CACNA1G: variants seen among roughly 807,000 people sequenced by gnomAD.
CACNA1G encodes the protein calcium voltage-gated channel subunit alpha1 G.
A neutral mutation model predicts 219.4 loss-of-function variants in CACNA1G; 67 were observed. The observed-to-expected ratio is 0.31, with a 90% CI of 0.25 to 0.37. The LOEUF (loss-of-function observed/expected upper bound fraction) is 0.37. CACNA1G is among the 10% of genes least tolerant of loss of function. The pLI is 1.00. For missense variants in CACNA1G, 2,380 were observed against 3,231.4 expected, an observed-to-expected ratio of 0.74 and a Z score of 6.39; for synonymous variants, 1,296 against 1,345.3, an observed-to-expected ratio of 0.96 and a Z score of 0.80.
At chr17:50,572,180 G>A (rs914650067) in intron 5 of CACNA1G, 143 bp downstream of exon 5, 1 of 933,144 alleles carries the variant, frequency 1.1e-6, no homozygotes, top group Non-Finnish European at 1.6e-6. Flanking sequence ...GCTACCCATT[G>A]GAACCACCTG....
intron 23 of CACNA1G, 193 bp downstream of exon 23, chr17:50,606,216 A>G: frequency 1.2e-6 from 1 of 813,892 alleles, no homozygotes; most frequent in Non-Finnish European, 2.2e-6. Context: ...AAGTGGGCCC[A>G]TGGGGTCTCT....
At chr17:50,607,215 G>A in intron 24 of CACNA1G, 2 of 573,920 alleles carry the variant, frequency 3.5e-6, no homozygotes, top group Non-Finnish European at 6.5e-6. Context: ...TTAAACTGGT[G>A]AATTTGGGCT....
chr17:50,609,963 C>A (rs373145852), intron 26 of CACNA1G, 28 bp downstream of exon 26: 44 of 1,596,506 alleles, frequency 2.8e-5, no homozygotes, highest in Non-Finnish European at 3.6e-5. Flanking sequence ...TGGGCTCATG[C>A]GTGTGGGGAC....
chr17:50,564,068 G>C (rs549812915), intron 1 of CACNA1G, among the ~76,000 whole-genome samples: 1 of 151,550 alleles, frequency 6.6e-6, no homozygotes, highest in African/African-American at 2.4e-5. Flanking sequence ...CTGCTTCTTG[G>C]CCTCTCCTTT....
intron 5 of CACNA1G, among the ~76,000 whole-genome samples, 161 bp from the exon 6 acceptor site, chr17:50,572,393 G>T (rs2039652860): frequency 6.6e-6 from 1 of 151,936 alleles, no homozygotes; most frequent in Non-Finnish European, 1.5e-5. Flanking sequence ...CATGCTCCTG[G>T]TGCCCACAAA....
Position 50,600,787 on chromosome 17 carries a change from G to C in CACNA1G, c.3752G>C (p.Arg1251Pro). 1 of 1,613,892 alleles carries C rather than the reference G, an allele frequency of 6.2e-7. No homozygotes were observed. The highest frequency in any genetic ancestry group is 2.2e-5 in the East Asian group (1 of 44,866). The change falls in exon 18 of 38, where the codon CGA becomes CCA. Residue 1251 changes from arginine to proline, a missense_variant. Physicochemically the swap from Arg to Pro is moderately radical, Grantham distance 103 (BLOSUM62 -2). Around this residue, in one of 17 missense-constraint regions of CACNA1G, gnomAD observed 418 missense variants for 434.3 expected, o/e 0.96. Transcript: ENST00000359106. The surrounding 1 kb of genome is among the most constrained non-coding windows in gnomAD (Gnocchi z 4.1). ...CGACTCCCTGCCTGCTGCCTCGAGC[G>C]AGACTCCTGGTCAGCCTACATCTTC... Reference protein sequence around the residue: ...RARLPACCLERDSWSAYIFPP... With the variant: ...RARLPACCLEPDSWSAYIFPP...
At chr17:50,604,908 C>T (rs1368514217) in intron 22 of CACNA1G, among the ~76,000 whole-genome samples, 1 of 152,164 alleles carries the variant, frequency 6.6e-6, no homozygotes, top group Non-Finnish European at 1.5e-5. Context: ...GCTGGCTGTT[C>T]AGGCAGCGTG....
chr17:50,572,667 C>T lies in CACNA1G; in HGVS notation c.860C>T (p.Thr287Met), dbSNP rs200872262. 7.8e-5 allele frequency: 126 copies of T among 1,609,488 alleles called. No individual in the cohort carries two copies. The highest frequency in any genetic ancestry group is 2.2e-4 in the East Asian group (10 of 44,696). Residue 287 changes from threonine (T) to methionine (M), a missense_variant, in exon 6 of 38, where the codon ACG (threonine) becomes ATG (methionine). By Grantham distance (81) the Thr-to-Met change is moderately conservative (BLOSUM62 -1). Coordinates refer to ENST00000359106, the MANE Select transcript of CACNA1G (RefSeq NM_018896.5). ...ATGCGGTCCTGCAGAAGCGTGCCCA[C>T]GCTGCGCGGGGACGGGGGCGGTGGC... is the stretch of plus-strand genomic sequence containing the variant. The part of the protein sequence containing the change: ...NGMRSCRSVP[T>M]LRGDGGGGPP...
chr17:50,571,795 C>A lies in CACNA1G; in HGVS notation c.587-83C>A. Reference sequence around the variant, plus strand: ...CTCAGCCTCAGAGTCCCTGGTGGGGCCCCTCCGGGAGTGCTGCCGGGCCGT... The same window carrying A: ...CTCAGCCTCAGAGTCCCTGGTGGGGACCCTCCGGGAGTGCTGCCGGGCCGT... On this transcript the variant is annotated intron_variant, in intron 4 of 37. Transcript: ENST00000359106. The surrounding 1 kb of genome is among the most constrained non-coding windows in gnomAD (Gnocchi z 4.3). 2 of 1,481,428 alleles carry A rather than the reference C, an allele frequency of 1.4e-6. No individual in the cohort carries two copies. The highest frequency in any genetic ancestry group is 1.1e-5 in the South Asian group (1 of 87,198). 91.8% of individuals were successfully genotyped at this position (1,481,428 alleles called of 1,614,324 possible).
chr17:50,590,706 C>T (rs1048451435), intron 10 of CACNA1G, 84 bp downstream of exon 10: 1 of 1,364,210 alleles, frequency 7.3e-7, no homozygotes, highest in Non-Finnish European at 1.0e-6. Context: ...CACCTATTCC[C>T]CTGGGGTGGA....
rs372884559 is a variant in CACNA1G at position 50,604,210 on chromosome 17, C to T, written c.4225C>T (p.Leu1409=). The T allele has an allele frequency of 2.4e-5, 38 of 1,613,874 alleles. No homozygotes were observed. The African/African-American group carries it at 4.7e-4, about 20-fold the overall frequency. Residue 1409 remains leucine (L), a synonymous_variant, in exon 22 of 38, where the codon CTG becomes TTG. Transcript: ENST00000359106. ...KLVVETLMSS[L]KPIGNIVVIC... ...GGTGGTGGAGACGCTGATGTCCTCA[C>T]TGAAACCCATCGGCAACATTGTAGT... is the stretch of plus-strand genomic sequence containing the variant.
At position 50,599,704 on chromosome 17, in the gene CACNA1G, C is replaced by T; in HGVS notation, c.3535C>T (p.Gln1179Ter). The part of the protein sequence containing the change: ...KSSFDLPDTL[Q>*]VPGLHRTASG... ...TTCCTTTGACCTGCCAGACACACTG[C>T]AGGTGCCAGGGCTGCATCGCACTGC... Residue 1179 changes from glutamine (Q) to a stop codon, truncating the protein, a stop_gained, in exon 17 of 38, where the codon CAG (glutamine) becomes TAG (stop). Transcript: ENST00000359106. LOFTEE classifies it high-confidence loss of function. 1 of 1,613,446 alleles carries T rather than the reference C, an allele frequency of 6.2e-7. No individual in the cohort carries two copies. The highest frequency in any genetic ancestry group is 8.5e-7 in the Non-Finnish European group (1 of 1,179,710).
In CACNA1G at chr17:50,603,012, C is replaced by T; in HGVS notation, c.3985-3C>T. 7 of 1,610,822 alleles carry T rather than the reference C, an allele frequency of 4.3e-6. No homozygotes were observed. The highest frequency in any genetic ancestry group is 1.7e-4 in the Middle Eastern group (1 of 6,020). On this transcript the variant is annotated splice_region_variant and splice_polypyrimidine_tract_variant and intron_variant, in intron 20 of 37. Transcript: ENST00000359106. The surrounding 1 kb of genome is among the most constrained non-coding windows in gnomAD (Gnocchi z 6.4). ...CGGCCGATGACGTGGCGGTGGTCCCCAGGTGGTGGCACTGGGCTGGTGCTT... is the reference window on the plus strand; with the variant it reads ...CGGCCGATGACGTGGCGGTGGTCCCTAGGTGGTGGCACTGGGCTGGTGCTT...
In CACNA1G at chr17:50,583,308, C is replaced by T. The variant is rs181802591; in HGVS notation, c.2301+4744C>T. 7.6e-4 allele frequency among the ~76,000 whole-genome samples: 116 copies of T among 152,170 alleles called. No individual in the cohort carries two copies. The East Asian group carries it at 0.016, about 20-fold the overall frequency. The stretch of plus-strand genomic sequence containing the variant: ...CTATCTGGTGTGGGAGGGAGAGGGG[C>T]ATTGTTTTGGAGATGTCTGCTAAGG... On this transcript the variant is annotated intron_variant, in intron 9 of 37. Coordinates refer to ENST00000359106, the MANE Select transcript of CACNA1G (RefSeq NM_018896.5).
rs567821259 is a variant in CACNA1G at position 50,609,775 on chromosome 17, C to T, written c.4706-107C>T. On this transcript the variant is annotated intron_variant, in intron 25 of 37. Transcript: ENST00000359106. The stretch of plus-strand genomic sequence containing the variant: ...GCCACCCAATGGGCTCAGCGCACCC[C>T]ACCCATAGGCAGAGTGAGGTGGGAG... 2.5e-5 allele frequency: 23 copies of T among 930,164 alleles called. No individual in the cohort carries two copies. In the African/African-American group the frequency reaches 2.8e-4, roughly 11 times the overall value. The allele number at this position is 930,164 out of a possible 1,614,324, so 57.6% of individuals were successfully genotyped here. A position where few individuals can be genotyped will look rare whatever the true frequency, so the allele number is the denominator to read the frequency against.
Position 50,578,423 on chromosome 17 carries a change from A to G in CACNA1G, c.2160A>G (p.Ala720=). The stretch of plus-strand genomic sequence containing the variant: ...GGCAACGGAGCCTGGGCCCAGATGC[A>G]GAGCCCAGCTCTGTGCTGGCCTTCT... The part of the protein sequence containing the change: ...SRRQRSLGPD[A]EPSSVLAFWR... The change falls in exon 9 of 38, where the codon GCA becomes GCG. Residue 720 remains alanine (A), a synonymous_variant. Transcript: ENST00000359106. The surrounding 1 kb of genome is among the most constrained non-coding windows in gnomAD (Gnocchi z 4.5). 1 of 1,613,308 alleles carries G rather than the reference A, an allele frequency of 6.2e-7. No homozygotes were observed. Among genetic ancestry groups the G allele is most frequent in the Non-Finnish European group, 8.5e-7 (1 of 1,179,728 alleles).
chr17:50,561,960 C>T (rs1597910205), intron 1 of CACNA1G: 1 of 417,006 alleles, frequency 2.4e-6, no homozygotes, highest in East Asian at 6.4e-5. Flanking sequence ...GGTGGGGATC[C>T]AGGCCAGGAG....
In CACNA1G at chr17:50,591,975, T is replaced by C; in HGVS notation, c.2793T>C (p.Asn931=). ...AGGACTGGAACAAAGTCCTCTACAA[T>C]GGTATGGCCTCCACGTCGTCCTGGG... ...TQEDWNKVLY[N]GMASTSSWAA... Residue 931 remains asparagine (N), a synonymous_variant, in exon 13 of 38, where the codon AAT becomes AAC. Coordinates refer to ENST00000359106, the MANE Select transcript of CACNA1G (RefSeq NM_018896.5). The C allele has an allele frequency of 6.2e-7, 1 of 1,613,972 alleles. No individual in the cohort carries two copies. The highest frequency in any genetic ancestry group is 8.5e-7 in the Non-Finnish European group (1 of 1,179,870).
At chr17:50,573,714 C>T (rs1319515344) in intron 7 of CACNA1G, 1 of 152,280 alleles carries the variant, frequency 6.6e-6, no homozygotes, top group Non-Finnish European at 1.5e-5. Context: ...GCTGCCTGAT[C>T]TCTTATTCCT....
Sources: gnomAD v4.1 joint callset for allele counts (sites outside exome capture counted in the v4.1 genomes callset) on GRCh38, gnomAD v4.1.1 for gene constraint, gnomAD v4.1.1 regional missense constraint, Gnocchi (gnomAD v3.1) non-coding constraint, MANE v1.5 for transcripts, NCBI Gene and HGNC (gene_info 2026-07-23, HGNC 2026-07-21) for gene names.